Variants in SDK2 observed in about 807,000 individuals in gnomAD.
The protein encoded by SDK2 is protein sidekick-2.
SDK2 carries 105 observed loss-of-function variants against 253.9 expected under a neutral mutation model. That is an observed-to-expected ratio of 0.41 (90% CI 0.35 to 0.49). SDK2 has a LOEUF of 0.49. Ranked by LOEUF, SDK2 falls within the 20% of genes least tolerant of loss-of-function variation. The probability of loss-of-function intolerance (pLI) is 0.06; values close to 1 mark genes in which losing one functional copy is unlikely to be tolerated. For synonymous variants in SDK2, 1,249 were observed against 1,234.9 expected, an observed-to-expected ratio of 1.01 and a Z score of -0.24; for missense variants, 2,608 against 3,003.0, an observed-to-expected ratio of 0.87 and a Z score of 3.07.
At chr17:73,381,732 C>T (rs771834408) in intron 33 of SDK2, among the ~76,000 whole-genome samples, 3 of 151,338 alleles carry the variant, frequency 2.0e-5, no homozygotes, top group Non-Finnish European at 2.9e-5. Context: ...CAGTGAAACC[C>T]GGTCTCTACT....
intron 1 of SDK2, among the ~76,000 whole-genome samples, chr17:73,561,744 T>C (rs1158480800): frequency 6.6e-6 from 1 of 152,210 alleles, no homozygotes; most frequent in Non-Finnish European, 1.5e-5. Flanking sequence ...TCAAGGACTC[T>C]GTTCCAGGGC....
At chr17:73,409,604 C>T (rs1422674863) in intron 18 of SDK2, among the ~76,000 whole-genome samples, 2 of 150,568 alleles carry the variant, frequency 1.3e-5, no homozygotes, top group Middle Eastern at 3.2e-3. Context: ...CATTCTAGCC[C>T]GGGCAATAAG....
intron 3 of SDK2, among the ~76,000 whole-genome samples, chr17:73,461,185 G>T (rs1007609572): frequency 6.6e-6 from 1 of 152,242 alleles, no homozygotes; most frequent in African/African-American, 2.4e-5. Context: ...CAAGACATCT[G>T]GGCCTGTGCC....
rs897973584 is a variant in SDK2 at position 73,644,426 on chromosome 17, C to T, written c.-338G>A. 1.3e-5 allele frequency among the ~76,000 whole-genome samples: 2 copies of T among 152,048 alleles called. No individual in the cohort carries two copies. Among genetic ancestry groups the T allele is most frequent in the African/African-American group, 4.8e-5 (2 of 41,432 alleles). ...GGCGGCCTCTGCGATCCGGCCGGGT[C>T]GCCGGCCGAGCTCCGGAATAAATGG... On this transcript the variant is annotated 5_prime_UTR_variant, in exon 1 of 45. Coordinates refer to ENST00000392650, the MANE Select transcript of SDK2 (RefSeq NM_001144952.2). This position sits in a 1 kb window ranked among gnomAD's most constrained non-coding sequence, Gnocchi z 6.3.
intron 1 of SDK2, among the ~76,000 whole-genome samples, chr17:73,512,692 A>G (rs1250382512): frequency 1.3e-5 from 2 of 152,212 alleles, no homozygotes; most frequent in Non-Finnish European, 2.9e-5. Context: ...AGAGGAAACT[A>G]GCATAGACAT....
intron 1 of SDK2, among the ~76,000 whole-genome samples, chr17:73,535,138 C>T (rs531478363): frequency 3.3e-5 from 5 of 152,336 alleles, no homozygotes; most frequent in Admixed American, 1.3e-4. Context: ...GTGGCCTCGA[C>T]GCCAAGCCTC....
intron 12 of SDK2, 72 bp downstream of exon 12, chr17:73,430,439 C>G (rs2063317122): frequency 1.5e-5 from 18 of 1,182,976 alleles, no homozygotes; most frequent in Non-Finnish European, 2.2e-5. Context: ...AATGTGGACA[C>G]TCGCCCAGCT....
intron 1 of SDK2, among the ~76,000 whole-genome samples, chr17:73,568,406 C>T (rs1270949454): frequency 1.3e-5 from 2 of 152,160 alleles, no homozygotes; most frequent in African/African-American, 4.8e-5. Flanking sequence ...CTTCTTTATA[C>T]ATTATCCAGC....
rs983205823 is a variant in SDK2 at position 73,399,278 on chromosome 17, G to A, written c.2983C>T (p.Pro995Ser). 9 of 1,613,680 alleles carry A rather than the reference G, an allele frequency of 5.6e-6. No homozygotes were observed. The highest frequency in any genetic ancestry group is 2.2e-5 in the East Asian group (1 of 44,874). The stretch of plus-strand genomic sequence containing the variant: ...TTGGAAATGCCCAGGTTGGTGGGGG[G>A]CCCTGGGAGTTCTGGAAAAGGAGAA... ...SSGVPPELPG[P>S]PTNLGISNIG... Residue 995 changes from proline (P) to serine (S), a missense_variant, in exon 22 of 45, where the codon CCC (proline) becomes TCC (serine). Physicochemically the swap from Pro to Ser is moderately conservative, Grantham distance 74. Around this residue, in one of 2 missense-constraint regions of SDK2, gnomAD observed 1,505 missense variants for 1,859.1 expected, o/e 0.81. Coordinates refer to ENST00000392650, the MANE Select transcript of SDK2 (RefSeq NM_001144952.2).
At chr17:73,582,680 A>G (rs542234074) in intron 1 of SDK2, among the ~76,000 whole-genome samples, 1 of 152,202 alleles carries the variant, frequency 6.6e-6, no homozygotes, top group East Asian at 1.9e-4. Context: ...TGGTGCCTTC[A>G]TCTGCTCTTC....
At chr17:73,478,324 T>G (rs1407797791) in intron 2 of SDK2, among the ~76,000 whole-genome samples, 1 of 152,168 alleles carries the variant, frequency 6.6e-6, no homozygotes, top group East Asian at 1.9e-4. Context: ...TGCAGAGTAT[T>G]GAGGAATCTT....
intron 2 of SDK2, among the ~76,000 whole-genome samples, chr17:73,485,677 TA>T (rs2063765317): frequency 1.3e-5 from 2 of 152,368 alleles, no homozygotes; most frequent in South Asian, 4.1e-4. Context: ...ATATCAAGTG[TA>T]ATGTTTCATG....
intron 1 of SDK2, among the ~76,000 whole-genome samples, chr17:73,569,036 G>A (rs1486455722): frequency 1.3e-5 from 2 of 152,168 alleles, no homozygotes; most frequent in Non-Finnish European, 2.9e-5. Flanking sequence ...ACCAGGAACT[G>A]CTGTCTCCAA....
chr17:73,365,249 TC>T lies in SDK2; in HGVS notation c.5305+8del. 8.3e-7 allele frequency: 1 copy of T among 1,206,182 alleles called. No homozygotes were observed. Among genetic ancestry groups the T allele is most frequent in the African/African-American group, 1.6e-5 (1 of 63,600 alleles). 74.7% of individuals were successfully genotyped at this position (1,206,182 alleles called of 1,614,324 possible). A position where few individuals can be genotyped will look rare whatever the true frequency, so the allele number is the denominator to read the frequency against. On this transcript the variant is annotated splice_region_variant and intron_variant, in intron 38 of 44. Transcript: ENST00000392650. ...GGGGCTGGGGAGCTGTGCTGGGGGG[TC>T]CACTCACCATCCACGGGGCTGCAGG...
chr17:73,629,084 C>T lies in SDK2; in HGVS notation c.64+14941G>A, dbSNP rs2046237782. ...GGCCAGCAGCTGCAGTGGGTGGAGC[C>T]TGCGGAGGGGGCAGGAAAGCCAGGC... is the stretch of plus-strand genomic sequence containing the variant. On this transcript the variant is annotated intron_variant, in intron 1 of 44. Transcript: ENST00000392650. The surrounding 1 kb of genome is among the most constrained non-coding windows in gnomAD (Gnocchi z 5.0). Among the ~76,000 whole-genome samples, 1 of 152,204 alleles carries T rather than the reference C, an allele frequency of 6.6e-6. No homozygotes were observed. Among genetic ancestry groups the T allele is most frequent in the African/African-American group, 2.4e-5 (1 of 41,452 alleles).
intron 40 of SDK2, among the ~76,000 whole-genome samples, chr17:73,353,524 G>A (rs1472987115): frequency 6.6e-6 from 1 of 151,598 alleles, no homozygotes; most frequent in African/African-American, 2.4e-5. Context: ...GAGTTCAAGC[G>A]ATTCTCCTGC....
At chr17:73,505,996 A>G (rs1338221716) in intron 2 of SDK2, among the ~76,000 whole-genome samples, 1 of 152,228 alleles carries the variant, frequency 6.6e-6, no homozygotes, top group Non-Finnish European at 1.5e-5. Flanking sequence ...GCAGCTCTGA[A>G]CCAGATAAGG....
At chr17:73,632,521 T>G (rs962121004) in intron 1 of SDK2, among the ~76,000 whole-genome samples, 12 of 152,320 alleles carry the variant, frequency 7.9e-5, no homozygotes, top group African/African-American at 2.9e-4. Flanking sequence ...ACTGTCGGCT[T>G]CCCTACTTTT....
Position 73,541,035 on chromosome 17 carries a change from G to A in SDK2, c.65-33438C>T, listed in dbSNP as rs1213821121. ...CAAATGTGGTCTCGGCCATCAAGCT[G>A]CCAATGGTAAGCTGCTAGGCCCCCT... is the stretch of plus-strand genomic sequence containing the variant. On this transcript the variant is annotated intron_variant, in intron 1 of 44. Coordinates refer to ENST00000392650, the MANE Select transcript of SDK2 (RefSeq NM_001144952.2). This position sits in a 1 kb window ranked among gnomAD's most constrained non-coding sequence, Gnocchi z 4.3. 1.3e-5 allele frequency among the ~76,000 whole-genome samples: 2 copies of A among 152,210 alleles called. No individual in the cohort carries two copies. Among genetic ancestry groups the A allele is most frequent in the Non-Finnish European group, 2.9e-5 (2 of 68,032 alleles).
Sources: allele counts gnomAD v4.1 joint callset (sites outside exome capture counted in the v4.1 genomes callset), GRCh38; gene constraint gnomAD v4.1.1; regional missense constraint gnomAD v4.1.1; non-coding constraint Gnocchi (gnomAD v3.1); transcripts MANE v1.5; gene names NCBI Gene and HGNC (gene_info 2026-07-23, HGNC 2026-07-21).